Variants in SORCS2 observed in about 807,000 individuals in gnomAD.
The protein encoded by SORCS2 is sortilin related VPS10 domain containing receptor 2.
SORCS2 carries 100 observed loss-of-function variants against 141.6 expected under a neutral mutation model. The ratio of observed to expected loss-of-function variants is 0.71; its 90% confidence interval spans 0.60 to 0.83. SORCS2 has a LOEUF of 0.83. SORCS2 is among the 40% of genes least tolerant of loss of function. The pLI is 0.00. For synonymous variants in SORCS2, 789 were observed against 676.9 expected (o/e 1.17, Z -2.57); for missense variants, 1,646 against 1,560.2 (o/e 1.05, Z -0.93).
chr4:7,280,461 G>C (rs1047791264), intron 1 of SORCS2, among the ~76,000 whole-genome samples: 1 of 152,208 alleles, frequency 6.6e-6, no homozygotes, highest in East Asian at 1.9e-4. Context: ...ACCATGGCAG[G>C]GTGGGCATTT....
intron 3 of SORCS2, among the ~76,000 whole-genome samples, chr4:7,619,242 G>A (rs1218404212): frequency 2.0e-5 from 3 of 152,316 alleles, no homozygotes; most frequent in East Asian, 3.9e-4. Flanking sequence ...CAGTGGCAGC[G>A]AATGATGGCC....
At chr4:7,320,249 G>A (rs1202462075) in intron 1 of SORCS2, among the ~76,000 whole-genome samples, 1 of 152,156 alleles carries the variant, frequency 6.6e-6, no homozygotes, top group Non-Finnish European at 1.5e-5. Context: ...AAAATCAAAC[G>A]CTGGGGAACA....
intron 3 of SORCS2, among the ~76,000 whole-genome samples, chr4:7,542,409 A>G (rs1712751626): frequency 6.6e-6 from 1 of 152,152 alleles, no homozygotes; most frequent in Admixed American, 6.5e-5. Context: ...TAAGAAAACG[A>G]GAAGAGACTC....
intron 1 of SORCS2, among the ~76,000 whole-genome samples, chr4:7,295,579 G>C (rs1396631262): frequency 6.6e-6 from 1 of 152,194 alleles, no homozygotes; most frequent in Non-Finnish European, 1.5e-5. Flanking sequence ...AAGCGCTGGT[G>C]GGGGCTGGAC....
intron 1 of SORCS2, among the ~76,000 whole-genome samples, chr4:7,347,375 C>T (rs191829500): frequency 1.4e-4 from 21 of 152,314 alleles, no homozygotes; most frequent in East Asian, 7.7e-4. Context: ...CGCCTCGTGC[C>T]GGATGTCAAG....
At position 7,281,423 on chromosome 4, in the gene SORCS2, G is replaced by T. The variant is rs568348322; in HGVS notation, c.480+88297G>T. 3.9e-5 allele frequency among the ~76,000 whole-genome samples: 6 copies of T among 152,242 alleles called. No individual in the cohort carries two copies. The South Asian group carries it at 6.2e-4, about 16-fold the overall frequency. ...ACAAGGGGCTGTGTCCTGCAGCTGC[G>T]CTCTGGAGACCTTGCCCTTTCTCCT... On this transcript the variant is annotated intron_variant, in intron 1 of 26. Coordinates refer to ENST00000507866, the MANE Select transcript of SORCS2 (RefSeq NM_020777.3).
At position 7,601,675 on chromosome 4, in the gene SORCS2, G is replaced by GTT. The variant is rs34542178; in HGVS notation, c.649-36647_649-36646dup. Reference sequence around the variant, plus strand: ...AGCTTTGTTTTTTGTTTGTTTGTTTGTTTTTTTAGTATTTATTGATCATTC... The same window carrying GTT: ...AGCTTTGTTTTTTGTTTGTTTGTTTGTTTTTTTTTAGTATTTATTGATCATTC... On this transcript the variant is annotated intron_variant, in intron 3 of 26. Transcript: ENST00000507866. 4.8e-4 allele frequency among the ~76,000 whole-genome samples: 70 copies of GTT among 145,696 alleles called. 1 individual carries two copies. In the East Asian group the frequency reaches 0.013, roughly 27 times the overall value.
rs1161776504 is a variant in SORCS2 at position 7,542,497 on chromosome 4, G to A, written c.648+10868G>A. Among the ~76,000 whole-genome samples the A allele has an allele frequency of 2.6e-5, 4 of 152,194 alleles. No individual in the cohort carries two copies. In the East Asian group the frequency reaches 7.7e-4, roughly 29 times the overall value. On this transcript the variant is annotated intron_variant, in intron 3 of 26. Transcript: ENST00000507866. ...GAGGGCCAGGATGACAGAGGCTGAG[G>A]GGAGTGAGGCAGCTGCAGGAAGGGG...
chr4:7,674,669 G>T (rs577293291), intron 8 of SORCS2, among the ~76,000 whole-genome samples: 80 of 151,676 alleles, frequency 5.3e-4, no homozygotes, highest in African/African-American at 1.9e-3. Flanking sequence ...GCAGGGCAGT[G>T]AGGGGAAGGG....
chr4:7,341,090 G>A (rs1442574500), intron 1 of SORCS2, among the ~76,000 whole-genome samples: 1 of 152,252 alleles, frequency 6.6e-6, no homozygotes, highest in Admixed American at 6.5e-5. Context: ...GATGTGCATG[G>A]TGGGGAGGAT....
chr4:7,725,958 T>C (rs1727189549), intron 20 of SORCS2, among the ~76,000 whole-genome samples: 1 of 152,206 alleles, frequency 6.6e-6, no homozygotes, highest in African/African-American at 2.4e-5. Context: ...GCTCAGGGTC[T>C]GGGTTCAGGC....
At chr4:7,659,830 C>A (rs149009973) in intron 5 of SORCS2, among the ~76,000 whole-genome samples, 1 of 152,202 alleles carries the variant, frequency 6.6e-6, no homozygotes, top group African/African-American at 2.4e-5. Flanking sequence ...TTCTCCCCCC[C>A]ACCACTGTCC....
At chr4:7,616,063 G>T (rs1042418751) in intron 3 of SORCS2, among the ~76,000 whole-genome samples, 1 of 152,056 alleles carries the variant, frequency 6.6e-6, no homozygotes, top group Non-Finnish European at 1.5e-5. Flanking sequence ...TATATTTTCT[G>T]GCATCCCTAG....
chr4:7,726,632 G>A, intron 20 of SORCS2, 148 bp from the exon 21 acceptor site: 1 of 999,186 alleles, frequency 1.0e-6, no homozygotes, highest in South Asian at 1.8e-5. Context: ...CCTGGGTGCT[G>A]CCACCACAGG....
chr4:7,440,394 C>T (rs999814871), intron 2 of SORCS2, among the ~76,000 whole-genome samples: 2 of 152,318 alleles, frequency 1.3e-5, no homozygotes, highest in East Asian at 3.9e-4. Context: ...AGGGAGAGCA[C>T]GAATAGGAAC....
At chr4:7,530,116 G>A (rs1733930855) in intron 2 of SORCS2, among the ~76,000 whole-genome samples, 1 of 152,232 alleles carries the variant, frequency 6.6e-6, no homozygotes, top group African/African-American at 2.4e-5. Context: ...ACTTGAAGAT[G>A]TAGGGAGGAA....
intron 21 of SORCS2, among the ~76,000 whole-genome samples, chr4:7,727,503 G>T (rs998367768): frequency 4.0e-5 from 6 of 151,878 alleles, no homozygotes; most frequent in Non-Finnish European, 1.5e-5. Context: ...TTTGCTTTAA[G>T]AACAGCCTCT....
intron 9 of SORCS2, 115 bp from the exon 10 acceptor site, chr4:7,682,626 CTG>C (rs1296895050): frequency 3.0e-6 from 3 of 994,896 alleles, no homozygotes; most frequent in Non-Finnish European, 4.4e-6. Flanking sequence ...GACATTGTGA[CTG>C]TGAAATGAGG....
At chr4:7,560,863 C>T (rs538512704) in intron 3 of SORCS2, among the ~76,000 whole-genome samples, 96 of 152,260 alleles carry the variant, frequency 6.3e-4, no homozygotes, top group African/African-American at 2.2e-3. Flanking sequence ...GTTTCCCTAT[C>T]GACAGAGGTT....
Sources: allele counts gnomAD v4.1 joint callset (sites outside exome capture counted in the v4.1 genomes callset), GRCh38; gene constraint gnomAD v4.1.1; transcripts MANE v1.5; gene names NCBI Gene and HGNC (gene_info 2026-07-23, HGNC 2026-07-21).